Variants in WWOX observed in about 807,000 individuals in gnomAD.
The protein encoded by WWOX is WW domain-containing oxidoreductase.
WWOX carries 69 observed loss-of-function variants against 46.2 expected under a neutral mutation model. That is an observed-to-expected ratio of 1.49 (90% CI 1.23 to 1.82). WWOX has a LOEUF of 1.82. Ranked by LOEUF, WWOX falls within the 40% of genes most tolerant of loss-of-function variation. The probability of loss-of-function intolerance (pLI) is 0.00; values close to 1 mark genes in which losing one functional copy is unlikely to be tolerated. For missense variants in WWOX, 919 were observed against 542.6 expected, an observed-to-expected ratio of 1.69 and a Z score of -6.89; for synonymous variants, 359 against 202.6, an observed-to-expected ratio of 1.77 and a Z score of -6.56.
At chr16:78,456,533 C>G (rs2083819692) in intron 8 of WWOX, among the ~76,000 whole-genome samples, 1 of 152,066 alleles carries the variant, frequency 6.6e-6, no homozygotes, top group Non-Finnish European at 1.5e-5. Flanking sequence ...CCAGGGATAC[C>G]TGATAGAGCT....
intron 5 of WWOX, among the ~76,000 whole-genome samples, chr16:78,279,874 T>G (rs2079644828): frequency 6.6e-6 from 1 of 152,240 alleles, no homozygotes. Context: ...CGATTGGTCC[T>G]TCTGTCCTGG....
At chr16:78,560,525 T>A (rs990619027) in intron 8 of WWOX, among the ~76,000 whole-genome samples, 2 of 152,100 alleles carry the variant, frequency 1.3e-5, no homozygotes, top group Non-Finnish European at 2.9e-5. Flanking sequence ...ATGCCTGTAA[T>A]CCCAGCTACT....
In WWOX at chr16:79,196,211, G is replaced by T. The variant is rs561580250; in HGVS notation, c.1057-15397G>T. On this transcript the variant is annotated intron_variant, in intron 8 of 8. Coordinates refer to ENST00000566780, the MANE Select transcript of WWOX (RefSeq NM_016373.4). ...GTGAGAGACCAAGGTGAGAGACTCGGAAATTACACATGTACATTGTATATT... is the reference window on the plus strand; with the variant it reads ...GTGAGAGACCAAGGTGAGAGACTCGTAAATTACACATGTACATTGTATATT... The T allele has an allele frequency of 1.3e-4, 20 of 152,272 alleles. No homozygotes were observed. The East Asian group carries it at 3.3e-3, about 25-fold the overall frequency. 9.4% of individuals were successfully genotyped at this position (152,272 alleles called of 1,614,324 possible).
chr16:78,643,372 CTG>C (rs1347061403), intron 8 of WWOX, among the ~76,000 whole-genome samples: 14 of 152,184 alleles, frequency 9.2e-5, no homozygotes, highest in Admixed American at 6.5e-4. Context: ...GGATCTGTAA[CTG>C]TTGCAAATTT....
At chr16:78,445,910 G>C (rs1276853430) in intron 8 of WWOX, among the ~76,000 whole-genome samples, 1 of 151,946 alleles carries the variant, frequency 6.6e-6, no homozygotes, top group East Asian at 1.9e-4. Flanking sequence ...AGGGGGGAAA[G>C]AAGAGAAACA....
chr16:78,145,088 C>A (rs1303463053), intron 4 of WWOX, among the ~76,000 whole-genome samples: 1 of 152,118 alleles, frequency 6.6e-6, no homozygotes, highest in East Asian at 1.9e-4. Context: ...TCTCATAGTT[C>A]TGTAGGCCAG....
intron 8 of WWOX, among the ~76,000 whole-genome samples, chr16:78,930,885 C>T (rs2045610081): frequency 1.3e-5 from 2 of 152,132 alleles, no homozygotes; most frequent in South Asian, 2.1e-4. Flanking sequence ...TTAAATGTAA[C>T]ATGGGCTTTG....
chr16:78,813,610 T>C (rs1372984632), intron 8 of WWOX, among the ~76,000 whole-genome samples: 2 of 152,156 alleles, frequency 1.3e-5, no homozygotes, highest in Admixed American at 6.5e-5. Flanking sequence ...CTCCTGTGTG[T>C]GTGTTCATCA....
chr16:79,004,884 T>C (rs1368988371), intron 8 of WWOX, among the ~76,000 whole-genome samples: 1 of 152,168 alleles, frequency 6.6e-6, no homozygotes, highest in Non-Finnish European at 1.5e-5. Flanking sequence ...ATTTGTAATT[T>C]TGGGGGGGTT....
At chr16:79,151,444 G>A (rs1372408454) in intron 8 of WWOX, among the ~76,000 whole-genome samples, 1 of 152,194 alleles carries the variant, frequency 6.6e-6, no homozygotes, top group Non-Finnish European at 1.5e-5. Context: ...ACATTCCTCA[G>A]CACTGGCTTG....
At chr16:78,505,496 G>C (rs1376487556) in intron 8 of WWOX, among the ~76,000 whole-genome samples, 1 of 152,120 alleles carries the variant, frequency 6.6e-6, no homozygotes, top group Non-Finnish European at 1.5e-5. Flanking sequence ...GATTTGGCCT[G>C]GGCAGCCCAG....
At chr16:78,731,294 C>T (rs1308447809) in intron 8 of WWOX, among the ~76,000 whole-genome samples, 24 of 152,102 alleles carry the variant, frequency 1.6e-4, no homozygotes, top group Admixed American at 1.5e-3. Flanking sequence ...CACAGAGGCA[C>T]GCTCACATGA....
chr16:78,329,696 T>C (rs1240977506), intron 5 of WWOX, among the ~76,000 whole-genome samples: 1 of 152,182 alleles, frequency 6.6e-6, no homozygotes, highest in Non-Finnish European at 1.5e-5. Context: ...AGCCAACATA[T>C]ACATGGGGAG....
At chr16:79,008,922 C>G (rs1454307864) in intron 8 of WWOX, among the ~76,000 whole-genome samples, 6 of 152,364 alleles carry the variant, frequency 3.9e-5, no homozygotes, top group East Asian at 3.9e-4. Flanking sequence ...CTAAAAATGT[C>G]TCCACCCTTC....
At chr16:78,145,058 T>G (rs989590905) in intron 4 of WWOX, among the ~76,000 whole-genome samples, 9 of 152,130 alleles carry the variant, frequency 5.9e-5, no homozygotes, top group East Asian at 5.8e-4. Flanking sequence ...ATTGGGTAGC[T>G]TAAACAACAA....
At chr16:78,322,661 T>G (rs953648366) in intron 5 of WWOX, among the ~76,000 whole-genome samples, 1 of 152,234 alleles carries the variant, frequency 6.6e-6, no homozygotes, top group Admixed American at 6.5e-5. Flanking sequence ...CCTCCAATGA[T>G]TACTTTGTTT....
At chr16:78,728,809 A>G (rs1377840950) in intron 8 of WWOX, among the ~76,000 whole-genome samples, 1 of 152,190 alleles carries the variant, frequency 6.6e-6, no homozygotes, top group African/African-American at 2.4e-5. Flanking sequence ...AGCTGCTAAT[A>G]TGCTATGGGA....
At chr16:78,178,645 C>T (rs1265794596) in intron 5 of WWOX, among the ~76,000 whole-genome samples, 3 of 152,134 alleles carry the variant, frequency 2.0e-5, no homozygotes, top group African/African-American at 7.2e-5. Context: ...GCGGGTGGAT[C>T]ACTTGAGGTT....
chr16:78,413,577 G>T (rs991780625), intron 6 of WWOX, among the ~76,000 whole-genome samples: 1 of 152,042 alleles, frequency 6.6e-6, no homozygotes, highest in Non-Finnish European at 1.5e-5. Context: ...AATCACAATG[G>T]GGGAATGTCA....
Sources: gnomAD v4.1 joint callset for allele counts (sites outside exome capture counted in the v4.1 genomes callset) on GRCh38, gnomAD v4.1.1 for gene constraint, MANE v1.5 for transcripts, NCBI Gene and HGNC (gene_info 2026-07-23, HGNC 2026-07-21) for gene names.